RARS2: variants seen among roughly 807,000 people sequenced by gnomAD.
RARS2 encodes probable arginine--tRNA ligase, mitochondrial.
In RARS2, 67 loss-of-function variants were observed where a neutral mutation model predicts 88.5. The observed-to-expected ratio is 0.76, with a 90% confidence interval of 0.62 to 0.93. RARS2 has a LOEUF of 0.93. Among genes scored for constraint, RARS2 ranks in the 40% least tolerant of loss-of-function variants. The probability of loss-of-function intolerance (pLI) is 0.00; values close to 1 mark genes in which losing one functional copy is unlikely to be tolerated. For missense variants in RARS2, 664 were observed against 684.2 expected (o/e 0.97, Z 0.33); for synonymous variants, 239 against 230.3 (o/e 1.04, Z -0.34).
chr6:87,523,743 G>A (rs1774748257), intron 11 of RARS2, among the ~76,000 whole-genome samples: 2 of 152,132 alleles, frequency 1.3e-5, no homozygotes, highest in Non-Finnish European at 2.9e-5. Context: ...CAGAGCCTCT[G>A]TTCTCAATGG....
At chr6:87,517,240 T>C (rs989384659) in intron 17 of RARS2, among the ~76,000 whole-genome samples, 1 of 152,154 alleles carries the variant, frequency 6.6e-6, no homozygotes, top group Non-Finnish European at 1.5e-5. Flanking sequence ...ATCCAGCCAC[T>C]GTACTCTAGC....
At chr6:87,541,860 T>C (rs1781083719) in intron 8 of RARS2, 58 bp downstream of exon 8, 1 of 1,283,712 alleles carries the variant, frequency 7.8e-7, no homozygotes, top group Admixed American at 1.7e-5. Flanking sequence ...ATTAAAAACA[T>C]GTTACTAAGC....
At position 87,562,872 on chromosome 6, in the gene RARS2, A is replaced by G. The variant is rs191345407; in HGVS notation, c.214-87T>C. 60 of 1,000,686 alleles carry G rather than the reference A, an allele frequency of 6.0e-5. No individual in the cohort carries two copies. The East Asian group carries it at 1.4e-3, about 23-fold the overall frequency. The allele number at this position is 1,000,686 out of a possible 1,614,324, so 62.0% of individuals were successfully genotyped here. A position where few individuals can be genotyped will look rare whatever the true frequency, so the allele number is the denominator to read the frequency against. Reference sequence around the variant, plus strand: ...TTCTAATGCTATTTTTGGCTTACAAAGACACAAGTAAGTCATCTTTCATGG... The same window carrying G: ...TTCTAATGCTATTTTTGGCTTACAAGGACACAAGTAAGTCATCTTTCATGG... On this transcript the variant is annotated intron_variant, in intron 3 of 19. Transcript: ENST00000369536.
Position 87,515,064 on chromosome 6 carries a change from T to G in RARS2, c.1587-44A>C, listed in dbSNP as rs753683124. On this transcript the variant is annotated intron_variant, in intron 18 of 19. Transcript: ENST00000369536. ...AATCACGATAGTACCAGCAGTAATT[T>G]CCTGTTGTAAGATATGAGCTTGATA... 9 of 1,475,772 alleles carry G rather than the reference T, an allele frequency of 6.1e-6. No homozygotes were observed. The East Asian group carries it at 9.1e-5, about 15-fold the overall frequency. 91.4% of individuals were successfully genotyped at this position (1,475,772 alleles called of 1,614,324 possible).
intron 5 of RARS2, among the ~76,000 whole-genome samples, chr6:87,553,449 T>TA (rs1188157697): frequency 6.6e-6 from 1 of 151,686 alleles, no homozygotes; most frequent in Admixed American, 6.6e-5. Flanking sequence ...AGCCAGAGAG[T>TA]AAATATTTTA....
intron 3 of RARS2, among the ~76,000 whole-genome samples, chr6:87,563,166 C>T (rs116005382): frequency 3.1e-3 from 476 of 152,258 alleles, no homozygotes; most frequent in African/African-American, 0.01. Context: ...TCAGGGTCTA[C>T]GCTAAAGCAC....
chr6:87,518,444 T>C lies in RARS2; in HGVS notation c.1416-180A>G, dbSNP rs1562053765. ...ATTCTGAGGACTAAGATAATACACA[T>C]AAATGTATTTCTAACATAGGTGCTC... On this transcript the variant is annotated intron_variant, in intron 16 of 19. Coordinates refer to ENST00000369536, the MANE Select transcript of RARS2 (RefSeq NM_020320.5). 5 of 1,398,996 alleles carry C rather than the reference T, an allele frequency of 3.6e-6. No homozygotes were observed. In the East Asian group the frequency reaches 7.5e-5, roughly 21 times the overall value. The allele number at this position is 1,398,996 out of a possible 1,614,324, so 86.7% of individuals were successfully genotyped here.
Position 87,520,133 on chromosome 6 carries a change from G to A in RARS2, c.1112+47C>T, listed in dbSNP as rs369393667. On this transcript the variant is annotated intron_variant, in intron 13 of 19. Transcript: ENST00000369536. ...ACTTTAACCACTAGGTACATTTTCA[G>A]GCTCAGCTGACCCTGCACAGACAAT... The A allele has an allele frequency of 7.6e-5, 113 of 1,492,538 alleles. No individual in the cohort carries two copies. In the African/African-American group the frequency reaches 1.3e-3, roughly 17 times the overall value. 92.5% of individuals were successfully genotyped at this position (1,492,538 alleles called of 1,614,324 possible). A position where few individuals can be genotyped will look rare whatever the true frequency, so the allele number is the denominator to read the frequency against.
At chr6:87,564,303 A>T in intron 2 of RARS2, 71 bp from the exon 3 acceptor site, 2 of 1,081,574 alleles carry the variant, frequency 1.8e-6, no homozygotes, top group Non-Finnish European at 2.8e-6. Flanking sequence ...AAGACTAATC[A>T]CTATGAGTTC....
chr6:87,559,463 CAA>C lies in RARS2; in HGVS notation c.297+3237_297+3238del, dbSNP rs753856335. On this transcript the variant is annotated intron_variant, in intron 4 of 19. Transcript: ENST00000369536. ...GGGCAACAAGAGTGAAACTCTGTCT[CAA>C]AAAAAAAAAAAAAAAAAAAAAAAAA... Among the ~76,000 whole-genome samples, 568 of 93,230 alleles carry C rather than the reference CAA, an allele frequency of 6.1e-3. 12 individuals carry two copies. Among genetic ancestry groups the C allele is most frequent in the African/African-American group, 0.02 (526 of 26,110 alleles). The allele number at this position is 93,230 out of a possible 152,430, so 61.2% of individuals were successfully genotyped here.
intron 8 of RARS2, among the ~76,000 whole-genome samples, chr6:87,531,610 T>A (rs1777554038): frequency 6.6e-6 from 1 of 152,172 alleles, no homozygotes; most frequent in Non-Finnish European, 1.5e-5. Context: ...GTTGAGCACC[T>A]CTTCTGGAGT....
At chr6:87,570,315 T>C (rs1769261639) in intron 1 of RARS2, among the ~76,000 whole-genome samples, 1 of 152,146 alleles carries the variant, frequency 6.6e-6, no homozygotes, top group Non-Finnish European at 1.5e-5. Context: ...TGGATTTGTA[T>C]TTTCTAAAAG....
At chr6:87,519,512 C>T in intron 14 of RARS2, 71 bp downstream of exon 14, 1 of 1,504,976 alleles carries the variant, frequency 6.6e-7, no homozygotes, top group African/African-American at 1.4e-5. Context: ...ATAAATCACA[C>T]TGCCCAAAGT....
In RARS2 at chr6:87,542,092, CAT is replaced by C. The variant is rs997521018; in HGVS notation, c.536-100_536-99del. On this transcript the variant is annotated intron_variant, in intron 7 of 19. Coordinates refer to ENST00000369536, the MANE Select transcript of RARS2 (RefSeq NM_020320.5). ...TAATTCTATAAAAAGACCAACCTGTCATATTATGTATCCTGAGAAGTATTACA... is the reference window on the plus strand; with the variant it reads ...TAATTCTATAAAAAGACCAACCTGTCATTATGTATCCTGAGAAGTATTACA... The C allele has an allele frequency of 4.5e-6, 4 of 891,708 alleles. No individual in the cohort carries two copies. The East Asian group carries it at 1.0e-4, about 23-fold the overall frequency. The allele number at this position is 891,708 out of a possible 1,614,324, so 55.2% of individuals were successfully genotyped here. A position where few individuals can be genotyped will look rare whatever the true frequency, so the allele number is the denominator to read the frequency against.
intron 17 of RARS2, among the ~76,000 whole-genome samples, chr6:87,517,223 AGCC>A (rs1442891972): frequency 6.6e-6 from 1 of 152,210 alleles, no homozygotes; most frequent in Non-Finnish European, 1.5e-5. Context: ...GGTTTCAGTG[AGCC>A]GAGATCCAGC....
intron 8 of RARS2, among the ~76,000 whole-genome samples, chr6:87,537,910 C>T (rs1160775853): frequency 6.6e-6 from 1 of 152,154 alleles, no homozygotes; most frequent in Non-Finnish European, 1.5e-5. Context: ...TGTATTACCA[C>T]CTACGCTATT....
chr6:87,524,452 G>T, intron 11 of RARS2, 105 bp downstream of exon 11: 1 of 910,468 alleles, frequency 1.1e-6, no homozygotes. Context: ...ATAGAATAAT[G>T]TCATCAGCTG....
chr6:87,555,396 G>GT lies in RARS2; in HGVS notation c.395+11dup. On this transcript the variant is annotated intron_variant, in intron 5 of 19. Coordinates refer to ENST00000369536, the MANE Select transcript of RARS2 (RefSeq NM_020320.5). ...CTTGATTAAGCAACACATAAAAGGG[G>GT]TGCACCCTCACCTGAATTCAACCAC... The GT allele has an allele frequency of 3.1e-6, 5 of 1,603,130 alleles. No homozygotes were observed. The highest frequency in any genetic ancestry group is 4.3e-6 in the Non-Finnish European group (5 of 1,170,184).
At chr6:87,574,296 A>T (rs1037531863) in intron 1 of RARS2, among the ~76,000 whole-genome samples, 15 of 152,224 alleles carry the variant, frequency 9.9e-5, no homozygotes, top group African/African-American at 3.6e-4. Flanking sequence ...AGTTTGCAAA[A>T]ATTTAATATA....
Sources: allele counts gnomAD v4.1 joint callset (sites outside exome capture counted in the v4.1 genomes callset), GRCh38; gene constraint gnomAD v4.1.1; transcripts MANE v1.5; gene names NCBI Gene and HGNC (gene_info 2026-07-23, HGNC 2026-07-21).